The following GRM5 variants were observed in gnomAD, a reference collection of about 807,000 sequenced individuals.
GRM5 encodes glutamate metabotropic receptor 5, also known as metabotropic glutamate receptor 5.
GRM5 carries 19 observed loss-of-function variants against 83.1 expected under a neutral mutation model. The observed-to-expected ratio is 0.23, with a 90% CI of 0.16 to 0.34. The LOEUF (loss-of-function observed/expected upper bound fraction) is 0.34. Ranked by LOEUF, GRM5 falls within the 10% of genes least tolerant of loss-of-function variation. The probability of loss-of-function intolerance (pLI) is 1.00; values close to 1 mark genes in which losing one functional copy is unlikely to be tolerated. For missense variants in GRM5, 1,160 were observed against 1,588.3 expected, an observed-to-expected ratio of 0.73 and a Z score of 4.58; for synonymous variants, 675 against 633.6, an observed-to-expected ratio of 1.07 and a Z score of -0.98.
chr11:88,641,150 C>T (rs1236153770), intron 4 of GRM5, among the ~76,000 whole-genome samples: 1 of 152,084 alleles, frequency 6.6e-6, no homozygotes, highest in Non-Finnish European at 1.5e-5. Context: ...GGATCACACA[C>T]ATCACATGCC....
chr11:88,712,855 T>G (rs980061913), intron 3 of GRM5, among the ~76,000 whole-genome samples: 5 of 152,090 alleles, frequency 3.3e-5, no homozygotes, highest in African/African-American at 1.2e-4. Context: ...GTGAATAATA[T>G]AAAGAATAAT....
chr11:88,799,669 A>G (rs1943351333), intron 3 of GRM5, among the ~76,000 whole-genome samples: 1 of 152,150 alleles, frequency 6.6e-6, no homozygotes, highest in African/African-American at 2.4e-5. Flanking sequence ...CTAAGTTTAA[A>G]TATGGATATA....
intron 3 of GRM5, among the ~76,000 whole-genome samples, chr11:88,706,801 G>A (rs1941169990): frequency 6.6e-6 from 1 of 152,034 alleles, no homozygotes; most frequent in African/African-American, 2.4e-5. Context: ...ACCTTTGCTT[G>A]TAGCTTAGTG....
chr11:88,735,515 G>A (rs1428768587), intron 3 of GRM5, among the ~76,000 whole-genome samples: 1 of 151,964 alleles, frequency 6.6e-6, no homozygotes, highest in Non-Finnish European at 1.5e-5. Context: ...CTCAGTCTCT[G>A]AGCCAAGGAA....
chr11:88,794,010 C>A (rs752228383), intron 3 of GRM5, among the ~76,000 whole-genome samples: 4 of 152,044 alleles, frequency 2.6e-5, no homozygotes, highest in Non-Finnish European at 5.9e-5. Flanking sequence ...TATATACAGA[C>A]AAGGATCTCT....
At position 89,047,498 on chromosome 11, in the gene GRM5, G is replaced by T. The variant is rs1458614152; in HGVS notation, c.375C>A (p.Gly125=). 6.2e-7 allele frequency: 1 copy of T among 1,614,142 alleles called. No individual in the cohort carries two copies. The highest frequency in any genetic ancestry group is 1.1e-5 in the South Asian group (1 of 91,080). The change falls in exon 2 of 10, where the codon GGC becomes GGA. Residue 125 remains glycine, a synonymous_variant. Coordinates refer to ENST00000305447, the MANE Select transcript of GRM5 (RefSeq NM_001143831.3). This position sits in a 1 kb window ranked among gnomAD's most constrained non-coding sequence, Gnocchi z 5.1. The part of the protein sequence containing the change: ...DSLISSEEEE[G]LVRCVDGSSS... ...AGGAGCCATCCACACAGCGTACCAAGCCTTCTTCCTCTTCTGAAGAAATGA... is the reference window on the plus strand; with the variant it reads ...AGGAGCCATCCACACAGCGTACCAATCCTTCTTCCTCTTCTGAAGAAATGA...
intron 2 of GRM5, among the ~76,000 whole-genome samples, chr11:88,891,783 T>C (rs1462586018): frequency 6.6e-6 from 1 of 152,078 alleles, no homozygotes; most frequent in Non-Finnish European, 1.5e-5. Flanking sequence ...TTAACAGCTG[T>C]TCTCAAATGC....
chr11:88,742,786 A>G (rs1469654484), intron 3 of GRM5, among the ~76,000 whole-genome samples: 1 of 152,108 alleles, frequency 6.6e-6, no homozygotes, highest in African/African-American at 2.4e-5. Context: ...TGCATTTTTA[A>G]CAAGCCCATT....
chr11:88,504,945 A>T lies in GRM5; in HGVS notation c.*3647T>A, dbSNP rs1228032597. 2.0e-5 allele frequency: 3 copies of T among 152,214 alleles called. No individual in the cohort carries two copies. Among genetic ancestry groups the T allele is most frequent in the Non-Finnish European group, 4.4e-5 (3 of 68,010 alleles). The allele number at this position is 152,214 out of a possible 1,614,324, so 9.4% of individuals were successfully genotyped here. A position where few individuals can be genotyped will look rare whatever the true frequency, so the allele number is the denominator to read the frequency against. ...AGGATTGGCACCATCTTTCTAAAAC[A>T]TCTATAATCTATATAGATTTCTAAT... On this transcript the variant is annotated 3_prime_UTR_variant, in exon 10 of 10. Coordinates refer to ENST00000305447, the MANE Select transcript of GRM5 (RefSeq NM_001143831.3).
intron 7 of GRM5, among the ~76,000 whole-genome samples, chr11:88,587,694 G>C (rs1386758358): frequency 6.6e-6 from 1 of 152,078 alleles, no homozygotes; most frequent in African/African-American, 2.4e-5. Context: ...TTCTCTCTCT[G>C]TACCCAGAGG....
intron 2 of GRM5, among the ~76,000 whole-genome samples, chr11:88,955,848 C>T (rs1472387243): frequency 6.6e-6 from 1 of 152,222 alleles, no homozygotes; most frequent in Non-Finnish European, 1.5e-5. Context: ...ATCTTGATCT[C>T]ACACTTTGCA....
intron 2 of GRM5, among the ~76,000 whole-genome samples, chr11:89,019,457 G>A (rs1272609176): frequency 6.6e-6 from 1 of 151,696 alleles, no homozygotes. Context: ...TACTTTGAGA[G>A]CCTAAGGCAG....
intron 3 of GRM5, among the ~76,000 whole-genome samples, chr11:88,698,207 C>T (rs1177013977): frequency 6.6e-6 from 1 of 152,120 alleles, no homozygotes; most frequent in Admixed American, 6.6e-5. Flanking sequence ...AGACAAAAGT[C>T]CTGAACATGA....
chr11:88,901,450 A>G (rs1222949319), intron 2 of GRM5, among the ~76,000 whole-genome samples: 1 of 151,804 alleles, frequency 6.6e-6, no homozygotes, highest in Non-Finnish European at 1.5e-5. Context: ...GTTCTTTCTG[A>G]CTCTAATCTC....
At chr11:88,595,889 G>T (rs534410311) in intron 6 of GRM5, among the ~76,000 whole-genome samples, 1 of 151,768 alleles carries the variant, frequency 6.6e-6, no homozygotes, top group South Asian at 2.1e-4. Context: ...GTATATTCTT[G>T]GTCCGTATTT....
chr11:88,749,598 G>A (rs1019323952), intron 3 of GRM5, among the ~76,000 whole-genome samples: 1 of 151,952 alleles, frequency 6.6e-6, no homozygotes, highest in Non-Finnish European at 1.5e-5. Flanking sequence ...GAGAAACCCA[G>A]TAAGATACTC....
intron 2 of GRM5, among the ~76,000 whole-genome samples, chr11:88,944,670 AC>A (rs1224949826): frequency 6.6e-6 from 1 of 151,968 alleles, no homozygotes; most frequent in Non-Finnish European, 1.5e-5. Context: ...ACACTGGATT[AC>A]AAAGGGCTTA....
chr11:88,776,301 C>T lies in GRM5; in HGVS notation c.911+73605G>A, dbSNP rs572913120. ...GCTTTCCATTTGTTTGGTAGATCTT[C>T]CTCCATCCCTTTATTTTGAGCCTGT... On this transcript the variant is annotated intron_variant, in intron 3 of 9. Coordinates refer to ENST00000305447, the MANE Select transcript of GRM5 (RefSeq NM_001143831.3). Among the ~76,000 whole-genome samples, 8 of 152,182 alleles carry T rather than the reference C, an allele frequency of 5.3e-5. No individual in the cohort carries two copies. The East Asian group carries it at 1.5e-3, about 29-fold the overall frequency.
At chr11:88,736,774 T>TG (rs1233898847) in intron 3 of GRM5, among the ~76,000 whole-genome samples, 3 of 152,038 alleles carry the variant, frequency 2.0e-5, no homozygotes, top group Non-Finnish European at 4.4e-5. Flanking sequence ...CATGACAAGA[T>TG]TAAAGTGCCA....
Sources: allele counts gnomAD v4.1 joint callset (sites outside exome capture counted in the v4.1 genomes callset), GRCh38; gene constraint gnomAD v4.1.1; non-coding constraint Gnocchi (gnomAD v3.1); transcripts MANE v1.5; gene names NCBI Gene and HGNC (gene_info 2026-07-23, HGNC 2026-07-21).